ELAPOR2: variants seen among roughly 807,000 people sequenced by gnomAD.
ELAPOR2 encodes endosome-lysosome associated apoptosis and autophagy regulator family member 2.
ELAPOR2 carries 89 observed loss-of-function variants against 120.7 expected under a neutral mutation model. The ratio of observed to expected loss-of-function variants is 0.74; its 90% CI spans 0.62 to 0.88. The LOEUF (loss-of-function observed/expected upper bound fraction) is 0.88, where lower values mean the gene tolerates loss of function less well. Ranked by LOEUF, ELAPOR2 falls within the 40% of genes least tolerant of loss-of-function variation. ELAPOR2 has a pLI of 0.00. For synonymous variants in ELAPOR2, 444 were observed against 444.9 expected (o/e 1.00, Z 0.03); for missense variants, 1,134 against 1,251.6 (o/e 0.91, Z 1.42).
chr7:86,955,118 C>T (rs1433988758), intron 2 of ELAPOR2, among the ~76,000 whole-genome samples: 2 of 152,064 alleles, frequency 1.3e-5, no homozygotes, highest in South Asian at 2.1e-4. Flanking sequence ...GACTGAACAG[C>T]ATATTGAATC....
At chr7:86,986,469 A>G (rs1792744388) in intron 1 of ELAPOR2, among the ~76,000 whole-genome samples, 1 of 142,156 alleles carries the variant, frequency 7.0e-6, no homozygotes, top group Non-Finnish European at 1.5e-5. Context: ...TCAGCCCAAA[A>G]TCTCCTTAAG....
At chr7:86,938,395 T>G (rs1172962842) in intron 7 of ELAPOR2, among the ~76,000 whole-genome samples, 181 bp from the exon 8 acceptor site, 1 of 152,058 alleles carries the variant, frequency 6.6e-6, no homozygotes, top group African/African-American at 2.4e-5. Context: ...CCTAGAGCAA[T>G]AAGTGTTTCT....
At chr7:86,926,600 G>A in intron 9 of ELAPOR2, 136 bp downstream of exon 9, 1 of 748,662 alleles carries the variant, frequency 1.3e-6, no homozygotes, top group Non-Finnish European at 2.1e-6. Flanking sequence ...TATTACAGTT[G>A]ACTGCAATTT....
In ELAPOR2 at chr7:86,877,433, A is replaced by G. The variant is rs1373386844; in HGVS notation, c.*3038T>C. 6.6e-6 allele frequency: 1 copy of G among 152,180 alleles called. No homozygotes were observed. The highest frequency in any genetic ancestry group is 1.5e-5 in the Non-Finnish European group (1 of 68,012). 9.4% of individuals were successfully genotyped at this position (152,180 alleles called of 1,614,324 possible). A position where few individuals can be genotyped will look rare whatever the true frequency, so the allele number is the denominator to read the frequency against. On this transcript the variant is annotated 3_prime_UTR_variant, in exon 22 of 22. Coordinates refer to ENST00000450689, the MANE Select transcript of ELAPOR2 (RefSeq NM_001142749.3). ...TGATTACTATAAATAGATATGAGGG[A>G]GGTTTAGTTTCTCTGAAGATCAACT...
intron 1 of ELAPOR2, among the ~76,000 whole-genome samples, chr7:87,000,433 C>T (rs552264689): frequency 2.0e-5 from 3 of 152,080 alleles, no homozygotes; most frequent in Non-Finnish European, 2.9e-5. Context: ...GCCAGAGATG[C>T]CTGAAGTTGT....
chr7:86,953,364 C>A (rs1584390371), intron 2 of ELAPOR2, among the ~76,000 whole-genome samples: 1 of 152,178 alleles, frequency 6.6e-6, no homozygotes. Flanking sequence ...GCCACACTTT[C>A]TTGGTAAACA....
Position 86,879,931 on chromosome 7 carries a change from T to C in ELAPOR2, c.*540A>G, listed in dbSNP as rs1799320210. 2 of 152,156 alleles carry C rather than the reference T, an allele frequency of 1.3e-5. No individual in the cohort carries two copies. The highest frequency in any genetic ancestry group is 2.9e-5 in the Non-Finnish European group (2 of 68,044). The allele number at this position is 152,156 out of a possible 1,614,324, so 9.4% of individuals were successfully genotyped here. ...CAAGAGAAGATAACCTATGGAAAAATGAAAAATTTATTGTCTTCATTGCTC... is the reference window on the plus strand; with the variant it reads ...CAAGAGAAGATAACCTATGGAAAAACGAAAAATTTATTGTCTTCATTGCTC... On this transcript the variant is annotated 3_prime_UTR_variant, in exon 22 of 22. Coordinates refer to ENST00000450689, the MANE Select transcript of ELAPOR2 (RefSeq NM_001142749.3).
At chr7:86,980,280 T>C (rs78414531) in intron 1 of ELAPOR2, among the ~76,000 whole-genome samples, 1 of 152,252 alleles carries the variant, frequency 6.6e-6, no homozygotes, top group Non-Finnish European at 1.5e-5. Flanking sequence ...TCAAACAGTA[T>C]GTGTGAGGCA....
intron 1 of ELAPOR2, among the ~76,000 whole-genome samples, chr7:87,026,467 T>TC (rs1276733574): frequency 6.6e-6 from 1 of 151,684 alleles, no homozygotes; most frequent in Non-Finnish European, 1.5e-5. Flanking sequence ...AAAAAAAGAC[T>TC]CTCTCAAGAG....
chr7:87,056,759 A>G (rs1443260806), intron 1 of ELAPOR2, among the ~76,000 whole-genome samples: 1 of 152,124 alleles, frequency 6.6e-6, no homozygotes, highest in Non-Finnish European at 1.5e-5. Context: ...TAACTGGATG[A>G]CTCCCAGGCC....
chr7:87,039,862 G>A (rs920687730), intron 1 of ELAPOR2, among the ~76,000 whole-genome samples: 1 of 152,178 alleles, frequency 6.6e-6, no homozygotes, highest in African/African-American at 2.4e-5. Context: ...GAGGTACCGG[G>A]TTCATCTCAC....
chr7:86,918,710 A>G (rs1450646054), intron 11 of ELAPOR2, among the ~76,000 whole-genome samples, 166 bp from the exon 12 acceptor site: 4 of 151,972 alleles, frequency 2.6e-5, no homozygotes, highest in Admixed American at 2.6e-4. Context: ...ACCTGTCCAC[A>G]CCCTTTGTAG....
chr7:87,041,825 T>A (rs1283249849), intron 1 of ELAPOR2, among the ~76,000 whole-genome samples: 2 of 151,814 alleles, frequency 1.3e-5, no homozygotes, highest in East Asian at 3.9e-4. Context: ...GCAAACTGGA[T>A]AAAGAGTCAA....
intron 1 of ELAPOR2, among the ~76,000 whole-genome samples, chr7:86,982,617 C>G (rs778726509): frequency 3.9e-5 from 6 of 152,150 alleles, no homozygotes; most frequent in Non-Finnish European, 8.8e-5. Context: ...GGAAAACTAA[C>G]AAACAAAAAG....
intron 1 of ELAPOR2, among the ~76,000 whole-genome samples, chr7:87,027,038 T>C (rs1286811945): frequency 6.6e-6 from 1 of 152,174 alleles, no homozygotes; most frequent in African/African-American, 2.4e-5. Context: ...AATTTCTCTC[T>C]ATACTAAAGG....
At chr7:86,996,092 T>C (rs944333127) in intron 1 of ELAPOR2, among the ~76,000 whole-genome samples, 12 of 151,926 alleles carry the variant, frequency 7.9e-5, no homozygotes, top group Admixed American at 6.6e-4. Context: ...AGAGAAAAGA[T>C]CTTCCCCTTT....
intron 10 of ELAPOR2, among the ~76,000 whole-genome samples, chr7:86,922,727 C>T (rs1227784547): frequency 1.3e-5 from 2 of 151,896 alleles, no homozygotes; most frequent in Non-Finnish European, 2.9e-5. Flanking sequence ...GTTGATTACA[C>T]ATCCATTTTA....
intron 2 of ELAPOR2, among the ~76,000 whole-genome samples, chr7:86,964,537 A>C (rs946620639): frequency 6.6e-6 from 1 of 152,228 alleles, no homozygotes; most frequent in Non-Finnish European, 1.5e-5. Flanking sequence ...CCCCTGAACT[A>C]GACACTTAGA....
At chr7:87,048,326 G>T (rs1795012146) in intron 1 of ELAPOR2, among the ~76,000 whole-genome samples, 3 of 152,058 alleles carry the variant, frequency 2.0e-5, no homozygotes, top group Admixed American at 2.0e-4. Context: ...TCTGTCATTT[G>T]CAACAACATG....
Sources: gnomAD v4.1 joint callset for allele counts (sites outside exome capture counted in the v4.1 genomes callset) on GRCh38, gnomAD v4.1.1 for gene constraint, MANE v1.5 for transcripts, NCBI Gene and HGNC (gene_info 2026-07-23, HGNC 2026-07-21) for gene names.